The following SPTA1 variants were observed in gnomAD, a reference collection of about 807,000 sequenced individuals.
SPTA1 encodes the protein spectrin alpha, erythrocytic 1, also known as spectrin alpha chain, erythrocytic 1.
SPTA1 carries 177 observed loss-of-function variants against 324.7 expected under a neutral mutation model. The observed-to-expected ratio is 0.55, with a 90% CI of 0.48 to 0.62. SPTA1 has a LOEUF of 0.62. SPTA1 is among the 20% of genes least tolerant of loss of function. SPTA1 has a pLI of 0.00. For synonymous variants in SPTA1, 1,195 were observed against 1,041.3 expected (o/e 1.15, Z -2.84); for missense variants, 3,162 against 2,883.6 (o/e 1.10, Z -2.21).
At position 158,647,543 on chromosome 1, in the gene SPTA1, C is replaced by T. The variant is rs370291171; in HGVS notation, c.3892G>A (p.Ala1298Thr). The change falls in exon 27 of 52, where the codon GCC becomes ACC. Residue 1298 changes from alanine to threonine, a missense_variant. Physicochemically the swap from Ala to Thr is moderately conservative, Grantham distance 58. Coordinates refer to ENST00000643759, the MANE Select transcript of SPTA1 (RefSeq NM_003126.4). ...AAGTTACCCACCCCACTCTACCTGG[C>T]CTTGCTGAGGAACAGGTAGAATTTC... is the stretch of plus-strand genomic sequence containing the variant. Reference protein sequence around the residue: ...AQKFYLFLSKARDLQNWISSI... With the variant: ...AQKFYLFLSKTRDLQNWISSI... 374 of 1,613,036 alleles carry T rather than the reference C, an allele frequency of 2.3e-4. 1 individual carries two copies. Among genetic ancestry groups the T allele is most frequent in the Non-Finnish European group, 3.1e-4 (369 of 1,179,854 alleles).
intron 5 of SPTA1, among the ~76,000 whole-genome samples, chr1:158,679,773 C>G (rs1376604384): frequency 6.6e-6 from 1 of 151,974 alleles, no homozygotes; most frequent in Non-Finnish European, 1.5e-5. Flanking sequence ...ATTGGTTAGA[C>G]AGTAATAGAT....
Position 158,651,467 on chromosome 1 carries a change from T to A in SPTA1, c.3377A>T (p.Asp1126Val). Reference protein sequence around the residue: ...LQKKFDEFQKDLNTNEPRLRD... With the variant: ...LQKKFDEFQKVLNTNEPRLRD... Reference sequence around the variant, plus strand: ...TAGCCGAGGCTCATTGGTATTCAAATCCTGAATGGGAAAATTCATCCAAAG... The same window carrying A: ...TAGCCGAGGCTCATTGGTATTCAAAACCTGAATGGGAAAATTCATCCAAAG... Residue 1126 changes from aspartate (D) to valine (V), a missense_variant and splice_region_variant, in exon 24 of 52, where the codon GAT (aspartate) becomes GTT (valine). Coordinates refer to ENST00000643759, the MANE Select transcript of SPTA1 (RefSeq NM_003126.4). 6.2e-7 allele frequency: 1 copy of A among 1,604,812 alleles called. No homozygotes were observed. Among genetic ancestry groups the A allele is most frequent in the Non-Finnish European group, 8.5e-7 (1 of 1,171,864 alleles).
At chr1:158,626,318 C>T (rs1173279679) in intron 41 of SPTA1, 96 bp from the exon 42 acceptor site, 2 of 1,111,738 alleles carry the variant, frequency 1.8e-6, no homozygotes, top group African/African-American at 1.6e-5. Context: ...AACAAGAAAG[C>T]TTCTTGACTC....
intron 19 of SPTA1, among the ~76,000 whole-genome samples, chr1:158,657,268 T>C (rs920427326): frequency 6.6e-6 from 1 of 152,324 alleles, no homozygotes; most frequent in African/African-American, 2.4e-5. Context: ...TATATGAATC[T>C]CCATGGGATG....
In SPTA1 at chr1:158,686,573, G is replaced by GAGAGAGAGAT; in HGVS notation, c.-57_-56insATCTCTCTCT. On this transcript the variant is annotated 5_prime_UTR_variant, in exon 1 of 52. An upstream open reading frame in the 5' UTR gains an earlier in-frame stop. Transcript: ENST00000643759. ...AAAATGTGTCAGAGAGAGAGAGAGA[G>GAGAGAGAGAT]AGAAATAATTCAAATGGAACTGTCC... 1.4e-6 allele frequency: 2 copies of GAGAGAGAGAT among 1,414,506 alleles called. No individual in the cohort carries two copies. Among genetic ancestry groups the GAGAGAGAGAT allele is most frequent in the Non-Finnish European group, 2.0e-6 (2 of 999,934 alleles). 87.6% of individuals were successfully genotyped at this position (1,414,506 alleles called of 1,614,324 possible).
At chr1:158,660,513 A>T (rs561718172) in intron 18 of SPTA1, among the ~76,000 whole-genome samples, 1 of 152,146 alleles carries the variant, frequency 6.6e-6, no homozygotes, top group Admixed American at 6.5e-5. Flanking sequence ...AGAGCTTCAA[A>T]ATATAAGAAA....
intron 42 of SPTA1, among the ~76,000 whole-genome samples, chr1:158,625,811 C>A (rs1557929469): frequency 2.0e-5 from 3 of 151,234 alleles, no homozygotes; most frequent in Non-Finnish European, 4.4e-5. Context: ...AATTGTACAT[C>A]TCAAGAAATT....
chr1:158,662,642 C>T (rs1036026161), intron 17 of SPTA1, 60 bp downstream of exon 17: 72 of 1,610,874 alleles, frequency 4.5e-5, no homozygotes, highest in Non-Finnish European at 5.9e-5. Flanking sequence ...CCCCAGATCT[C>T]TCTCAATATA....
At chr1:158,637,582 C>T (rs857724) in intron 36 of SPTA1, among the ~76,000 whole-genome samples, 3,485 of 29,374 alleles carry the variant, frequency 0.12, 255 homozygotes, top group Middle Eastern at 0.18. Flanking sequence ...AAGGTTCTGA[C>T]CAGCTGTGTA....
intron 39 of SPTA1, among the ~76,000 whole-genome samples, chr1:158,630,753 A>C (rs1274891041): frequency 6.6e-6 from 1 of 152,122 alleles, no homozygotes; most frequent in Non-Finnish European, 1.5e-5. Flanking sequence ...ATAAGGGGTT[A>C]ATCTCTAAAA....
At chr1:158,667,618 T>TA (rs1040403366) in intron 15 of SPTA1, among the ~76,000 whole-genome samples, 9 of 152,124 alleles carry the variant, frequency 5.9e-5, no homozygotes, top group East Asian at 1.9e-4. Flanking sequence ...CTGCCACTGC[T>TA]AAAAAATTTT....
chr1:158,675,489 C>T (rs1396867539), intron 8 of SPTA1, among the ~76,000 whole-genome samples: 1 of 151,980 alleles, frequency 6.6e-6, no homozygotes, highest in African/African-American at 2.4e-5. Flanking sequence ...CAGGAGTCTC[C>T]CTTTATTTGT....
At position 158,627,719 on chromosome 1, in the gene SPTA1, A is replaced by G; in HGVS notation, c.5570T>C (p.Leu1857Ser). ...CGDTLAATQS[L>S]LMKHEALEND... ...TTCCAAAGCTTCATGCTTCATTAGC[A>G]AGCTCTGCATAAATAAGTCGGTGAG... is the stretch of plus-strand genomic sequence containing the variant. The change falls in exon 40 of 52, where the codon TTG becomes TCG. Residue 1857 changes from leucine (L) to serine (S), a missense_variant. Physicochemically the swap from Leu to Ser is moderately radical, Grantham distance 145. Coordinates refer to ENST00000643759, the MANE Select transcript of SPTA1 (RefSeq NM_003126.4). 6.2e-7 allele frequency: 1 copy of G among 1,611,848 alleles called. No homozygotes were observed. The highest frequency in any genetic ancestry group is 8.5e-7 in the Non-Finnish European group (1 of 1,179,556).
chr1:158,614,496 C>A, intron 48 of SPTA1, 190 bp from the exon 49 acceptor site: 2 of 521,614 alleles, frequency 3.8e-6, no homozygotes, highest in South Asian at 2.9e-5. Flanking sequence ...GTCCATGAGC[C>A]AAGAGTAGAT....
In SPTA1 at chr1:158,639,589, G is replaced by A. The variant is rs748412176; in HGVS notation, c.4973C>T (p.Ala1658Val). The change falls in exon 35 of 52, where the codon GCT becomes GTT. Residue 1658 changes from alanine to valine, a missense_variant. Ala to Val is a moderately conservative substitution (Grantham distance 64). Coordinates refer to ENST00000643759, the MANE Select transcript of SPTA1 (RefSeq NM_003126.4). ...KHQLLEREMLAREDALKDLNT... is the reference protein window; with the variant it reads ...KHQLLEREMLVREDALKDLNT... The stretch of plus-strand genomic sequence containing the variant: ...GATGCCAACACTACTTACCTCTCGA[G>A]CCAACATCTCTCTCTCCAATAGCTG... 4.3e-6 allele frequency: 7 copies of A among 1,613,780 alleles called. No homozygotes were observed. Among genetic ancestry groups the A allele is most frequent in the South Asian group, 1.1e-5 (1 of 91,066 alleles).
At position 158,642,799 on chromosome 1, in the gene SPTA1, C is replaced by T. The variant is rs761279164; in HGVS notation, c.4605+15G>A. Reference sequence around the variant, plus strand: ...GGAATGGTGAAATTTTCCAAGATTCCTATTTTGAACTTGCCTGAATGTTAG... The same window carrying T: ...GGAATGGTGAAATTTTCCAAGATTCTTATTTTGAACTTGCCTGAATGTTAG... On this transcript the variant is annotated intron_variant, in intron 32 of 51. Transcript: ENST00000643759. 6.2e-7 allele frequency: 1 copy of T among 1,613,674 alleles called. No individual in the cohort carries two copies. Among genetic ancestry groups the T allele is most frequent in the Admixed American group, 1.7e-5 (1 of 59,974 alleles).
chr1:158,612,629 A>C (rs538191206), intron 51 of SPTA1, 188 bp downstream of exon 51: 1 of 641,028 alleles, frequency 1.6e-6, no homozygotes, highest in South Asian at 1.8e-5. Context: ...ATAGAGTACC[A>C]CAGTACGTTT....
chr1:158,647,434 C>G, intron 27 of SPTA1, 105 bp downstream of exon 27: 1 of 1,415,792 alleles, frequency 7.1e-7, no homozygotes, highest in Non-Finnish European at 9.9e-7. Context: ...GAGACTTAAA[C>G]GTAGTGATGC....
intron 43 of SPTA1, among the ~76,000 whole-genome samples, chr1:158,621,983 G>A (rs1051507972): frequency 6.6e-6 from 1 of 152,200 alleles, no homozygotes; most frequent in Non-Finnish European, 1.5e-5. Context: ...TCCTGCCTCA[G>A]CCTCCTGAGT....
Sources: gnomAD v4.1 joint callset for allele counts (sites outside exome capture counted in the v4.1 genomes callset) on GRCh38, gnomAD v4.1.1 for gene constraint, MANE v1.5 for transcripts, NCBI Gene and HGNC (gene_info 2026-07-23, HGNC 2026-07-21) for gene names.